Variants in PDGFC observed in about 807,000 individuals in gnomAD.
PDGFC encodes the protein platelet derived growth factor C.
Under a neutral mutation model 35.5 loss-of-function variants are expected in PDGFC, and 12 were observed. That is an observed-to-expected ratio of 0.34 (90% confidence interval 0.22 to 0.55). The LOEUF is 0.55. PDGFC is among the 20% of genes least tolerant of loss of function. The pLI is 0.91. For missense variants in PDGFC, 322 were observed against 412.4 expected (o/e 0.78, Z 1.90); for synonymous variants, 159 against 148.8 (o/e 1.07, Z -0.50).
chr4:156,772,161 C>T (rs1730708856), intron 4 of PDGFC, among the ~76,000 whole-genome samples: 1 of 152,118 alleles, frequency 6.6e-6, no homozygotes, highest in African/African-American at 2.4e-5. Context: ...GCCTTGAAAA[C>T]TATGAATTCT....
chr4:156,769,373 A>G (rs1730630700), intron 4 of PDGFC, among the ~76,000 whole-genome samples: 1 of 151,842 alleles, frequency 6.6e-6, no homozygotes, highest in African/African-American at 2.4e-5. Flanking sequence ...TAATACTTAT[A>G]TTGTCTTAAT....
chr4:156,920,350 A>T (rs552679154), intron 1 of PDGFC, among the ~76,000 whole-genome samples: 4 of 152,306 alleles, frequency 2.6e-5, no homozygotes, highest in Admixed American at 2.0e-4. Context: ...TTCTCCATTT[A>T]ACAACTCTGT....
At chr4:156,788,679 G>T (rs1031352978) in intron 3 of PDGFC, among the ~76,000 whole-genome samples, 14 of 152,136 alleles carry the variant, frequency 9.2e-5, no homozygotes, top group African/African-American at 3.4e-4. Flanking sequence ...GAGTTTCTGA[G>T]AAATCAGTTT....
At chr4:156,765,093 G>A (rs540983693) in intron 5 of PDGFC, among the ~76,000 whole-genome samples, 16 of 152,272 alleles carry the variant, frequency 1.1e-4, no homozygotes, top group African/African-American at 3.6e-4. Flanking sequence ...TGATGCTCAT[G>A]GAGATTTACA....
intron 1 of PDGFC, among the ~76,000 whole-genome samples, chr4:156,932,542 T>C (rs2110880701): frequency 6.6e-6 from 1 of 152,104 alleles, no homozygotes; most frequent in Admixed American, 6.5e-5. Context: ...GTGGCACATA[T>C]ATACCATGGA....
At position 156,876,172 on chromosome 4, in the gene PDGFC, C is replaced by T. The variant is rs1196602954; in HGVS notation, c.119-25756G>A. Among the ~76,000 whole-genome samples, 4 of 152,100 alleles carry T rather than the reference C, an allele frequency of 2.6e-5. No homozygotes were observed. In the East Asian group the frequency reaches 7.7e-4, roughly 29 times the overall value. On this transcript the variant is annotated intron_variant, in intron 1 of 5. Transcript: ENST00000502773. ...AAAGTTTCCCTATGTCCTTTATAAA[C>T]TTAATGGAAAAGTATCTGTTTCTAG...
chr4:156,955,862 TG>T (rs1732196698), intron 1 of PDGFC, among the ~76,000 whole-genome samples: 1 of 152,026 alleles, frequency 6.6e-6, no homozygotes, highest in Non-Finnish European at 1.5e-5. Context: ...AGTTCATTTT[TG>T]AATAGGCTTT....
At chr4:156,778,817 G>C (rs1294980517) in intron 3 of PDGFC, among the ~76,000 whole-genome samples, 1 of 152,082 alleles carries the variant, frequency 6.6e-6, no homozygotes, top group South Asian at 2.1e-4. Flanking sequence ...AAAACTATTA[G>C]GGCCTACAAA....
intron 1 of PDGFC, among the ~76,000 whole-genome samples, chr4:156,955,613 C>A (rs975078160): frequency 4.6e-5 from 7 of 151,650 alleles, no homozygotes; most frequent in Admixed American, 2.6e-4. Context: ...AAAATCAAAC[C>A]TGATTAATTT....
intron 3 of PDGFC, among the ~76,000 whole-genome samples, chr4:156,785,412 C>A (rs1731095010): frequency 1.3e-5 from 2 of 152,140 alleles, no homozygotes; most frequent in Admixed American, 1.3e-4. Flanking sequence ...TGGGGTTTCA[C>A]CATGTTGGCC....
chr4:156,814,504 G>A (rs1448552139), intron 2 of PDGFC, among the ~76,000 whole-genome samples: 3 of 152,064 alleles, frequency 2.0e-5, no homozygotes. Flanking sequence ...GATTTGGCCA[G>A]GATGAAGTCA....
intron 2 of PDGFC, among the ~76,000 whole-genome samples, chr4:156,844,692 C>T (rs756920412): frequency 1.8e-4 from 27 of 151,802 alleles, no homozygotes; most frequent in Middle Eastern, 3.4e-3. Flanking sequence ...TAACATTAGG[C>T]GTAATATACT....
chr4:156,902,119 T>C (rs1730803560), intron 1 of PDGFC, among the ~76,000 whole-genome samples: 3 of 152,186 alleles, frequency 2.0e-5, no homozygotes, highest in Non-Finnish European at 4.4e-5. Context: ...TCCAAAAACC[T>C]AGCAGGCTAC....
At chr4:156,881,061 C>T (rs184306985) in intron 1 of PDGFC, among the ~76,000 whole-genome samples, 3 of 152,258 alleles carry the variant, frequency 2.0e-5, no homozygotes, top group Admixed American at 2.0e-4. Flanking sequence ...AATGGCATGA[C>T]ATGCTACAGA....
At chr4:156,942,217 C>T (rs975658539) in intron 1 of PDGFC, among the ~76,000 whole-genome samples, 3 of 152,056 alleles carry the variant, frequency 2.0e-5, no homozygotes, top group Non-Finnish European at 4.4e-5. Flanking sequence ...CCTTTGTGCT[C>T]ACAGGCGCTC....
At chr4:156,765,956 G>A (rs906897687) in intron 5 of PDGFC, among the ~76,000 whole-genome samples, 1 of 152,116 alleles carries the variant, frequency 6.6e-6, no homozygotes, top group Non-Finnish European at 1.5e-5. Flanking sequence ...GAGGGTTGGA[G>A]ACTCACCTTA....
chr4:156,910,160 C>A (rs148285560), intron 1 of PDGFC, among the ~76,000 whole-genome samples: 92 of 152,136 alleles, frequency 6.0e-4, no homozygotes, highest in African/African-American at 2.1e-3. Context: ...CTGCTTGGGG[C>A]AGTTTGTTAC....
intron 1 of PDGFC, among the ~76,000 whole-genome samples, chr4:156,927,735 CTT>C (rs572983785): frequency 2.1e-4 from 32 of 152,278 alleles, no homozygotes; most frequent in African/African-American, 6.0e-4. Flanking sequence ...GAGTCCCAAA[CTT>C]TGCCATATTT....
At chr4:156,939,430 A>C (rs1406417753) in intron 1 of PDGFC, among the ~76,000 whole-genome samples, 2 of 152,070 alleles carry the variant, frequency 1.3e-5, no homozygotes, top group Non-Finnish European at 2.9e-5. Context: ...GCAAGGCCTT[A>C]TTCTCAGTTA....
Sources: gnomAD v4.1 joint callset for allele counts (sites outside exome capture counted in the v4.1 genomes callset) on GRCh38, gnomAD v4.1.1 for gene constraint, MANE v1.5 for transcripts, NCBI Gene and HGNC (gene_info 2026-07-23, HGNC 2026-07-21) for gene names.